The following AGMO variants were observed in gnomAD, a reference collection of about 807,000 sequenced individuals.
The protein encoded by AGMO is glyceryl-ether monooxygenase.
AGMO carries 75 observed loss-of-function variants against 60.2 expected under a neutral mutation model. The observed-to-expected ratio is 1.25, with a 90% CI of 1.03 to 1.51. The LOEUF is 1.51. Ranked by LOEUF, AGMO falls within the 40% of genes most tolerant of loss-of-function variation. The pLI is 0.00. For synonymous variants in AGMO, 261 were observed against 177.1 expected (o/e 1.47, Z -3.76); for missense variants, 763 against 525.5 (o/e 1.45, Z -4.42).
At chr7:15,289,939 A>T (rs1222951303) in intron 12 of AGMO, among the ~76,000 whole-genome samples, 1 of 132,566 alleles carries the variant, frequency 7.5e-6, no homozygotes. Flanking sequence ...TTTATTCCAG[A>T]AATCTTTTTT....
intron 12 of AGMO, among the ~76,000 whole-genome samples, chr7:15,248,426 G>C (rs949036319): frequency 6.6e-6 from 1 of 151,638 alleles, no homozygotes; most frequent in Non-Finnish European, 1.5e-5. Flanking sequence ...ATCTAGACCA[G>C]AGATGGCAAG....
chr7:15,497,914 A>G (rs1783276387), intron 3 of AGMO, among the ~76,000 whole-genome samples: 1 of 152,036 alleles, frequency 6.6e-6, no homozygotes, highest in Non-Finnish European at 1.5e-5. Flanking sequence ...ATGCCTCAAC[A>G]AAAAGAAATA....
intron 3 of AGMO, among the ~76,000 whole-genome samples, chr7:15,537,622 T>TA (rs1372856061): frequency 1.3e-5 from 2 of 152,114 alleles, no homozygotes; most frequent in East Asian, 3.9e-4. Flanking sequence ...TGTTCAAAAA[T>TA]AGACTGATGG....
chr7:15,475,458 G>C (rs543209696), intron 3 of AGMO, among the ~76,000 whole-genome samples: 2 of 151,928 alleles, frequency 1.3e-5, no homozygotes, highest in Non-Finnish European at 2.9e-5. Context: ...ACCAAACACC[G>C]CATGTTCTCA....
intron 3 of AGMO, among the ~76,000 whole-genome samples, chr7:15,527,766 T>G (rs1266535270): frequency 6.6e-6 from 1 of 152,300 alleles, no homozygotes; most frequent in East Asian, 1.9e-4. Flanking sequence ...GGCTTTAAGA[T>G]GAAGCCATTT....
intron 3 of AGMO, among the ~76,000 whole-genome samples, chr7:15,483,983 A>C (rs750994428): frequency 5.4e-4 from 82 of 152,192 alleles, no homozygotes; most frequent in Admixed American, 2.6e-4. Context: ...TAATGCTTCA[A>C]TGAACGTTCC....
intron 12 of AGMO, among the ~76,000 whole-genome samples, chr7:15,321,323 T>C (rs777992171): frequency 6.6e-6 from 1 of 152,168 alleles, no homozygotes; most frequent in African/African-American, 2.4e-5. Context: ...TGCATGCACC[T>C]TTCTAAAACT....
chr7:15,326,197 G>T (rs1006312213), intron 12 of AGMO, among the ~76,000 whole-genome samples: 7 of 152,184 alleles, frequency 4.6e-5, no homozygotes, highest in African/African-American at 1.7e-4. Context: ...TAAGGAAAAT[G>T]ATAAAACTTA....
At chr7:15,252,245 T>C (rs969468952) in intron 12 of AGMO, among the ~76,000 whole-genome samples, 9 of 152,146 alleles carry the variant, frequency 5.9e-5, no homozygotes, top group Admixed American at 5.2e-4. Context: ...GGGTTAGTAG[T>C]GGTGGTGCTT....
rs1166832687 is a variant in AGMO, at chr7:15,363,110, G to T, written c.1263+2404C>A. Among the ~76,000 whole-genome samples, 4 of 152,184 alleles carry T rather than the reference G, an allele frequency of 2.6e-5. No individual in the cohort carries two copies. In the South Asian group the frequency reaches 6.2e-4, roughly 24 times the overall value. On this transcript the variant is annotated intron_variant, in intron 12 of 12. Coordinates refer to ENST00000342526, the MANE Select transcript of AGMO (RefSeq NM_001004320.2). ...ATTTAGAACGTAGTAAGAGCTCAATGCATGTTAGCTCTTATAAAACCTATT... is the reference window on the plus strand; with the variant it reads ...ATTTAGAACGTAGTAAGAGCTCAATTCATGTTAGCTCTTATAAAACCTATT...
chr7:15,489,488 C>T (rs943941916), intron 3 of AGMO, among the ~76,000 whole-genome samples: 1 of 152,096 alleles, frequency 6.6e-6, no homozygotes, highest in African/African-American at 2.4e-5. Flanking sequence ...ATGCTTTTGT[C>T]CTCCCTCCAA....
intron 12 of AGMO, among the ~76,000 whole-genome samples, chr7:15,243,561 C>T (rs1038165127): frequency 1.3e-5 from 2 of 152,114 alleles, no homozygotes; most frequent in African/African-American, 4.8e-5. Flanking sequence ...TTTGCATGAT[C>T]GTGGCTGGAG....
At chr7:15,227,459 G>T (rs1344905590) in intron 12 of AGMO, among the ~76,000 whole-genome samples, 1 of 150,856 alleles carries the variant, frequency 6.6e-6, no homozygotes, top group Non-Finnish European at 1.5e-5. Context: ...ACAACAAAAT[G>T]GTGAAAACGG....
At chr7:15,192,617 A>T in the AGMO span, among the ~76,000 whole-genome samples, 1 of 152,106 alleles carries the variant, frequency 6.6e-6, no homozygotes, top group Non-Finnish European at 1.5e-5. Flanking sequence ...GCAGGGTGTA[A>T]AAAGCTGTCA....
intron 4 of AGMO, among the ~76,000 whole-genome samples, chr7:15,428,612 T>C (rs930910058): frequency 2.0e-5 from 3 of 152,132 alleles, no homozygotes; most frequent in African/African-American, 7.2e-5. Flanking sequence ...CATTGCTCAA[T>C]ACTGATGTTG....
intron 10 of AGMO, among the ~76,000 whole-genome samples, chr7:15,377,124 G>A (rs1271266743): frequency 6.6e-6 from 1 of 151,970 alleles, no homozygotes; most frequent in South Asian, 2.1e-4. Flanking sequence ...TATTGCTGTT[G>A]GATTTTAATG....
At chr7:15,358,949 C>T (rs1208077435) in intron 12 of AGMO, among the ~76,000 whole-genome samples, 3 of 151,840 alleles carry the variant, frequency 2.0e-5, no homozygotes, top group Non-Finnish European at 4.4e-5. Flanking sequence ...GATAAATATC[C>T]CCATATTACT....
At chr7:15,337,796 T>A (rs1376617601) in intron 12 of AGMO, among the ~76,000 whole-genome samples, 1 of 152,208 alleles carries the variant, frequency 6.6e-6, no homozygotes, top group Non-Finnish European at 1.5e-5. Flanking sequence ...TTCTTACATT[T>A]AGCAGATTGC....
At chr7:15,487,274 T>C (rs143240084) in intron 3 of AGMO, among the ~76,000 whole-genome samples, 38 of 152,252 alleles carry the variant, frequency 2.5e-4, no homozygotes, top group African/African-American at 7.9e-4. Context: ...AAAATGTATA[T>C]TATAATAAGA....
Sources: allele counts gnomAD v4.1 joint callset (sites outside exome capture counted in the v4.1 genomes callset), GRCh38; gene constraint gnomAD v4.1.1; transcripts MANE v1.5; gene names NCBI Gene and HGNC (gene_info 2026-07-23, HGNC 2026-07-21).